The following TIMP2 variants were observed in gnomAD, a reference collection of about 807,000 sequenced individuals.
TIMP2 encodes the protein TIMP metallopeptidase inhibitor 2, also known as metalloproteinase inhibitor 2.
Under a neutral mutation model 24.3 loss-of-function variants are expected in TIMP2, and 5 were observed. The observed-to-expected ratio is 0.21, with a 90% confidence interval of 0.11 to 0.43. The LOEUF (loss-of-function observed/expected upper bound fraction) is 0.43. Among genes scored for constraint, TIMP2 ranks in the 20% least tolerant of loss-of-function variants. The pLI, the probability that TIMP2 is intolerant of heterozygous loss-of-function variation, is 1.00. For synonymous variants in TIMP2, 130 were observed against 123.2 expected, an observed-to-expected ratio of 1.06 and a Z score of -0.37; for missense variants, 221 against 297.5, an observed-to-expected ratio of 0.74 and a Z score of 1.89.
At chr17:78,887,546 G>A (rs1036159471) in intron 1 of TIMP2, among the ~76,000 whole-genome samples, 11 of 152,080 alleles carry the variant, frequency 7.2e-5, no homozygotes, top group Admixed American at 6.6e-4. Context: ...CGCCACGCCC[G>A]GCTAATTTCC....
chr17:78,855,935 G>A lies in TIMP2; in HGVS notation c.466-71C>T, dbSNP rs1156606372. ...GGGGTGGGCAGAGGCTGCTCTGGGG[G>A]CATGTCCAGAACCCGGCAATGTGCC... On this transcript the variant is annotated intron_variant, in intron 4 of 4. Coordinates refer to ENST00000262768, the MANE Select transcript of TIMP2 (RefSeq NM_003255.5). This position sits in a 1 kb window ranked among gnomAD's most constrained non-coding sequence, Gnocchi z 6.0. The A allele has an allele frequency of 2.7e-6, 4 of 1,499,262 alleles. No homozygotes were observed. Among genetic ancestry groups the A allele is most frequent in the African/African-American group, 2.8e-5 (2 of 72,626 alleles). The allele number at this position is 1,499,262 out of a possible 1,614,324, so 92.9% of individuals were successfully genotyped here.
chr17:78,854,921 C>G lies in TIMP2; in HGVS notation c.*746G>C, dbSNP rs1340277521. The G allele has an allele frequency of 2.6e-5, 1 of 39,088 alleles. No homozygotes were observed. Among genetic ancestry groups the G allele is most frequent in the Non-Finnish European group, 5.2e-5 (1 of 19,166 alleles). The allele number at this position is 39,088 out of a possible 1,614,324, so 2.4% of individuals were successfully genotyped here. On this transcript the variant is annotated 3_prime_UTR_variant, in exon 5 of 5. Coordinates refer to ENST00000262768, the MANE Select transcript of TIMP2 (RefSeq NM_003255.5). ...TCCTGCAAGCTGGGGAGCATGTGGG[C>G]GGGGGGGGGGGGGTGGGGGGGTGGG...
Position 78,925,203 on chromosome 17 carries a change from C to T in TIMP2, c.-115G>A. 1 of 238,906 alleles carries T rather than the reference C, an allele frequency of 4.2e-6. No homozygotes were observed. The highest frequency in any genetic ancestry group is 1.5e-4 in the South Asian group (1 of 6,792). 14.8% of individuals were successfully genotyped at this position (238,906 alleles called of 1,614,324 possible). A position where few individuals can be genotyped will look rare whatever the true frequency, so the allele number is the denominator to read the frequency against. On this transcript the variant is annotated 5_prime_UTR_variant, in exon 1 of 5. Transcript: ENST00000262768. ...GAGCCGGGGCCGAGGCGGGCCCCTC[C>T]CGCGCGGCTCACCCTCCTCACCTGC...
At chr17:78,885,944 C>T (rs899219246) in intron 1 of TIMP2, among the ~76,000 whole-genome samples, 1 of 152,128 alleles carries the variant, frequency 6.6e-6, no homozygotes, top group African/African-American at 2.4e-5. Flanking sequence ...GAGGGGAACA[C>T]AGGCACTGCC....
intron 1 of TIMP2, among the ~76,000 whole-genome samples, chr17:78,887,093 A>G (rs1013984707): frequency 1.3e-5 from 2 of 152,176 alleles, no homozygotes; most frequent in African/African-American, 4.8e-5. Flanking sequence ...ATGATTAAAG[A>G]ACCCAAAAGC....
intron 1 of TIMP2, among the ~76,000 whole-genome samples, chr17:78,886,370 C>T (rs992594620): frequency 1.2e-4 from 18 of 151,172 alleles, no homozygotes; most frequent in African/African-American, 4.4e-4. Flanking sequence ...GCAGGAAGAC[C>T]TCGGCTACTC....
chr17:78,860,926 C>T (rs2069562429), intron 3 of TIMP2, among the ~76,000 whole-genome samples: 2 of 151,690 alleles, frequency 1.3e-5, no homozygotes, highest in Admixed American at 1.3e-4. Flanking sequence ...ATCCCAGCTA[C>T]TCAGGAGGCT....
At chr17:78,883,406 G>A (rs1285708964) in intron 1 of TIMP2, among the ~76,000 whole-genome samples, 1 of 152,200 alleles carries the variant, frequency 6.6e-6, no homozygotes, top group Non-Finnish European at 1.5e-5. Flanking sequence ...GAGGACAGAG[G>A]ACTTGGCCAG....
rs2069830662 is a variant in TIMP2, at chr17:78,887,002, G to A, written c.131-13083C>T. Among the ~76,000 whole-genome samples the A allele has an allele frequency of 3.9e-5, 6 of 152,218 alleles. 1 individual carries two copies. The South Asian group carries it at 1.2e-3, about 32-fold the overall frequency. ...CTCCCAGAGTGCTGGGATTACAGGTGTGAGCCACCATGCCCAGCCTCGAAT... is the reference window on the plus strand; with the variant it reads ...CTCCCAGAGTGCTGGGATTACAGGTATGAGCCACCATGCCCAGCCTCGAAT... On this transcript the variant is annotated intron_variant, in intron 1 of 4. Transcript: ENST00000262768.
intron 1 of TIMP2, among the ~76,000 whole-genome samples, chr17:78,886,743 CCCT>C (rs1341945724): frequency 6.6e-6 from 1 of 151,774 alleles, no homozygotes; most frequent in Non-Finnish European, 1.5e-5. Context: ...TTTTTTTTCC[CCCT>C]AAGACAGGGT....
At chr17:78,885,805 G>T (rs540775274) in intron 1 of TIMP2, among the ~76,000 whole-genome samples, 35 of 152,322 alleles carry the variant, frequency 2.3e-4, no homozygotes, top group African/African-American at 8.4e-4. Flanking sequence ...AACCCCGGCA[G>T]TAGGGCTCTC....
chr17:78,873,988 A>G (rs942113273), intron 1 of TIMP2, 69 bp from the exon 2 acceptor site: 2 of 1,460,692 alleles, frequency 1.4e-6, no homozygotes, highest in African/African-American at 1.4e-5. Context: ...GGAGAGGGAT[A>G]AGACGTCCAG....
At chr17:78,919,131 TC>T (rs1221547850) in intron 1 of TIMP2, among the ~76,000 whole-genome samples, 5 of 152,100 alleles carry the variant, frequency 3.3e-5, no homozygotes, top group African/African-American at 1.2e-4. Context: ...ACCTGGAGAG[TC>T]CTGAAACTCC....
chr17:78,922,862 G>C (rs1408188364), intron 1 of TIMP2, among the ~76,000 whole-genome samples: 1 of 152,166 alleles, frequency 6.6e-6, no homozygotes, highest in Non-Finnish European at 1.5e-5. Context: ...TGTGAAGACA[G>C]GCGGAAATGG....
intron 3 of TIMP2, among the ~76,000 whole-genome samples, chr17:78,867,952 A>ATCTG (rs67287716): frequency 0.023 from 3,107 of 134,446 alleles, 89 homozygotes; most frequent in African/African-American, 0.08. Flanking sequence ...CACAAGCAAA[A>ATCTG]TCTATTTTCT....
intron 2 of TIMP2, 88 bp downstream of exon 2, chr17:78,873,731 G>A (rs1046077257): frequency 8.2e-5 from 86 of 1,045,012 alleles, no homozygotes; most frequent in Admixed American, 4.7e-4. Context: ...TGGCCAGATC[G>A]TGTTCCAGGG....
rs564774923 is a variant in TIMP2, at chr17:78,910,200, T to C, written c.130+14759A>G. 2.6e-5 allele frequency among the ~76,000 whole-genome samples: 4 copies of C among 151,882 alleles called. No homozygotes were observed. In the East Asian group the frequency reaches 5.8e-4, roughly 22 times the overall value. ...CTTTTGTTAATTTCTTTTTCTTTTTTTTTTTTTTGAGACACGGAGTCTCGC... is the reference window on the plus strand; with the variant it reads ...CTTTTGTTAATTTCTTTTTCTTTTTCTTTTTTTTGAGACACGGAGTCTCGC... On this transcript the variant is annotated intron_variant, in intron 1 of 4. Coordinates refer to ENST00000262768, the MANE Select transcript of TIMP2 (RefSeq NM_003255.5).
chr17:78,922,687 C>A (rs2070316812), intron 1 of TIMP2, among the ~76,000 whole-genome samples: 1 of 152,166 alleles, frequency 6.6e-6, no homozygotes, highest in Non-Finnish European at 1.5e-5. Context: ...GGTGTGGTGG[C>A]AGGTGCCTGT....
chr17:78,891,017 ACT>A lies in TIMP2; in HGVS notation c.131-17100_131-17099del. ...CCTTTGCCTGGATGCCGTCGAGCCC[ACT>A]CTGTCTGCCTGGTCTTGAAGGTGGA... On this transcript the variant is annotated intron_variant, in intron 1 of 4. Transcript: ENST00000262768. This position sits in a 1 kb window ranked among gnomAD's most constrained non-coding sequence, Gnocchi z 4.5. 2.6e-6 allele frequency: 4 copies of A among 1,550,754 alleles called. No homozygotes were observed. The highest frequency in any genetic ancestry group is 2.7e-5 in the African/African-American group (2 of 72,980).
Sources: gnomAD v4.1 joint callset for allele counts (sites outside exome capture counted in the v4.1 genomes callset) on GRCh38, gnomAD v4.1.1 for gene constraint, Gnocchi (gnomAD v3.1) non-coding constraint, MANE v1.5 for transcripts, NCBI Gene and HGNC (gene_info 2026-07-23, HGNC 2026-07-21) for gene names.